RRP12: variants seen among roughly 807,000 people sequenced by gnomAD.
RRP12 encodes the protein RRP12-like protein.
A neutral mutation model predicts 157.3 loss-of-function variants in RRP12; 78 were observed. That is an observed-to-expected ratio of 0.50 (90% CI 0.41 to 0.60). RRP12 has a LOEUF of 0.60. RRP12 is among the 20% of genes least tolerant of loss of function. The probability of loss-of-function intolerance (pLI) is 0.00; values close to 1 mark genes in which losing one functional copy is unlikely to be tolerated. For missense variants in RRP12, 1,521 were observed against 1,679.9 expected, an observed-to-expected ratio of 0.91 and a Z score of 1.65; for synonymous variants, 726 against 670.9, an observed-to-expected ratio of 1.08 and a Z score of -1.27.
At chr10:97,391,496 G>A (rs140653108) in intron 4 of RRP12, among the ~76,000 whole-genome samples, 8,282 of 152,244 alleles carry the variant, frequency 0.054, 284 homozygotes, top group Non-Finnish European at 0.063. Context: ...ACTTGAACCC[G>A]GGAGGTGGAG....
rs938512585 is a variant in RRP12, at chr10:97,397,753, A to G, written c.370-1452T>C. Among the ~76,000 whole-genome samples the G allele has an allele frequency of 2.6e-5, 4 of 151,174 alleles. No individual in the cohort carries two copies. The Admixed American group carries it at 2.7e-4, about 10-fold the overall frequency. The stretch of plus-strand genomic sequence containing the variant: ...GGTGGGCAGATCCCTTGAGCCCAGG[A>G]GTTCAAGACCAATCTGGGCAATATG... On this transcript the variant is annotated intron_variant, in intron 2 of 33. Transcript: ENST00000370992.
intron 2 of RRP12, among the ~76,000 whole-genome samples, chr10:97,399,877 T>C (rs9887991): frequency 0.38 from 57,712 of 151,886 alleles, 11,444 homozygotes; most frequent in African/African-American, 0.5. Context: ...AAGATTGCGC[T>C]ACTGCACTCC....
At chr10:97,392,075 T>C (rs1844822753) in intron 4 of RRP12, among the ~76,000 whole-genome samples, 1 of 150,994 alleles carries the variant, frequency 6.6e-6, no homozygotes, top group African/African-American at 2.4e-5. Context: ...ACAATTAGGC[T>C]CACTGCAACC....
At chr10:97,375,978 C>T (rs1313475642) in intron 15 of RRP12, among the ~76,000 whole-genome samples, 1 of 151,932 alleles carries the variant, frequency 6.6e-6, no homozygotes, top group Non-Finnish European at 1.5e-5. Context: ...ATGGTACACG[C>T]CTGTAGACGA....
chr10:97,400,038 T>G (rs1845095559), intron 2 of RRP12, among the ~76,000 whole-genome samples: 1 of 152,254 alleles, frequency 6.6e-6, no homozygotes, highest in South Asian at 2.1e-4. Flanking sequence ...TTGAAAATAC[T>G]CTGTGTAAAA....
intron 3 of RRP12, among the ~76,000 whole-genome samples, chr10:97,394,923 G>C (rs901442721): frequency 6.6e-6 from 1 of 150,700 alleles, no homozygotes; most frequent in Non-Finnish European, 1.5e-5. Context: ...TGGGAGAACT[G>C]ATTCAGCTCA....
intron 18 of RRP12, 38 bp downstream of exon 18, chr10:97,373,008 C>T (rs1460069849): frequency 5.1e-6 from 8 of 1,574,518 alleles, no homozygotes; most frequent in South Asian, 1.1e-5. Flanking sequence ...CACCTGAGAG[C>T]TCCCCTCCTC....
At chr10:97,361,847 G>A (rs540204441) in intron 30 of RRP12, among the ~76,000 whole-genome samples, 3 of 152,248 alleles carry the variant, frequency 2.0e-5, no homozygotes, top group South Asian at 2.1e-4. Context: ...GGTGGCTCAC[G>A]CCTGTAATCC....
At chr10:97,393,781 G>A (rs756964912) in intron 3 of RRP12, 21 bp from the exon 4 acceptor site, 1 of 1,604,800 alleles carries the variant, frequency 6.2e-7, no homozygotes, top group South Asian at 1.1e-5. Flanking sequence ...GATTGAGGGG[G>A]TTTGAATGGA....
chr10:97,363,626 TAG>T (rs1437975969), intron 30 of RRP12, among the ~76,000 whole-genome samples: 4 of 152,182 alleles, frequency 2.6e-5, no homozygotes, highest in Non-Finnish European at 5.9e-5. Context: ...ATGCCCTCGC[TAG>T]AGAGACAAGG....
intron 10 of RRP12, 108 bp from the exon 11 acceptor site, chr10:97,381,934 T>C (rs1164582667): frequency 2.7e-6 from 2 of 732,124 alleles, no homozygotes; most frequent in Admixed American, 2.8e-5. Flanking sequence ...ACAAACCCAG[T>C]GATCTGCAGG....
In RRP12 at chr10:97,367,086, C is replaced by T. The variant is rs781173747; in HGVS notation, c.3002G>A (p.Arg1001His). Residue 1001 changes from arginine to histidine, a missense_variant, in exon 26 of 34, where the codon CGC (arginine) becomes CAC (histidine). Transcript: ENST00000370992. ...KLSDDMRRHFRMKLRNLFTKF... is the reference protein window; with the variant it reads ...KLSDDMRRHFHMKLRNLFTKF... ...GGTGAACAGGTTCCGAAGCTTCATG[C>T]GGAAGTGCCGCCGCATGTCATCTGA... is the stretch of plus-strand genomic sequence containing the variant. The T allele has an allele frequency of 3.7e-6, 6 of 1,614,050 alleles. No homozygotes were observed. Among genetic ancestry groups the T allele is most frequent in the Non-Finnish European group, 5.1e-6 (6 of 1,180,032 alleles).
At chr10:97,385,385 C>G in intron 9 of RRP12, 128 bp from the exon 10 acceptor site, 1 of 721,390 alleles carries the variant, frequency 1.4e-6, no homozygotes, top group Non-Finnish European at 2.4e-6. Flanking sequence ...ACTCACAGCC[C>G]CCTTGGCTTT....
rs187261503 is a variant in RRP12 at position 97,399,269 on chromosome 10, G to A, written c.369+1036C>T. 1.1e-3 allele frequency among the ~76,000 whole-genome samples: 172 copies of A among 152,112 alleles called. No homozygotes were observed. The Middle Eastern group carries it at 0.014, about 12-fold the overall frequency. ...GCCTGGACAACAAGAGCGAAACTCC[G>A]GCTCCAGAAAAAAATAAAAAGATGA... On this transcript the variant is annotated intron_variant, in intron 2 of 33. Coordinates refer to ENST00000370992, the MANE Select transcript of RRP12 (RefSeq NM_015179.4).
At chr10:97,381,527 C>G (rs758976852) in intron 11 of RRP12, 44 bp from the exon 12 acceptor site, 2 of 1,463,460 alleles carry the variant, frequency 1.4e-6, no homozygotes, top group Non-Finnish European at 1.9e-6. Flanking sequence ...AGGCAGCCCC[C>G]CAGGACCACT....
rs143743132 is a variant in RRP12, at chr10:97,377,776, G to A, written c.1798+1517C>T. Among the ~76,000 whole-genome samples the A allele has an allele frequency of 8.6e-3, 1,279 of 148,548 alleles. 20 individuals are homozygous for A. Among genetic ancestry groups the A allele is most frequent in the African/African-American group, 0.029 (1,184 of 40,144 alleles). On this transcript the variant is annotated intron_variant, in intron 15 of 33. Transcript: ENST00000370992. Reference sequence around the variant, plus strand: ...GGAGATTCTCTTGAACCCAGGAGGCGGAGATTGCAGTGAGCTGAGATCGCA... The same window carrying A: ...GGAGATTCTCTTGAACCCAGGAGGCAGAGATTGCAGTGAGCTGAGATCGCA...
chr10:97,358,914 A>T, intron 32 of RRP12, 29 bp downstream of exon 32: 1 of 1,588,246 alleles, frequency 6.3e-7, no homozygotes, highest in South Asian at 1.1e-5. Context: ...CAGTGCCAGG[A>T]GACCCCATGC....
chr10:97,388,581 C>G lies in RRP12; in HGVS notation c.797G>C (p.Gly266Ala), dbSNP rs1304734221. Reference protein sequence around the residue: ...AQHGVCSVLKGSEFMFEKAPA... With the variant: ...AQHGVCSVLKASEFMFEKAPA... ...GGCCTTTTCAAACATGAATTCACTG[C>G]CCTTGAGGACTGAGCATACTCCATG... Residue 266 changes from glycine (G) to alanine (A), a missense_variant, in exon 7 of 34, where the codon GGC becomes GCC. Coordinates refer to ENST00000370992, the MANE Select transcript of RRP12 (RefSeq NM_015179.4). The G allele has an allele frequency of 6.2e-7, 1 of 1,614,194 alleles. No homozygotes were observed. The highest frequency in any genetic ancestry group is 2.2e-5 in the East Asian group (1 of 44,884).
rs779753426 is a variant in RRP12 at position 97,372,142 on chromosome 10, C to T, written c.2274G>A (p.Val758=). 1 of 1,613,668 alleles carries T rather than the reference C, an allele frequency of 6.2e-7. No individual in the cohort carries two copies. The highest frequency in any genetic ancestry group is 2.2e-5 in the East Asian group (1 of 44,874). ...CTTCGTCAGCACACGGAGCCAAGGCCACGACCAGGTCCAGGACAGACAATC... is the reference window on the plus strand; with the variant it reads ...CTTCGTCAGCACACGGAGCCAAGGCTACGACCAGGTCCAGGACAGACAATC... ...FTRLSVLDLV[V]ALAPCADEAA... Residue 758 remains valine, a synonymous_variant, in exon 20 of 34, where the codon GTG becomes GTA. Transcript: ENST00000370992.
Sources: allele counts gnomAD v4.1 joint callset (sites outside exome capture counted in the v4.1 genomes callset), GRCh38; gene constraint gnomAD v4.1.1; transcripts MANE v1.5; gene names NCBI Gene and HGNC (gene_info 2026-07-23, HGNC 2026-07-21).